Variants in GABRR2 observed in about 807,000 individuals in gnomAD.
GABRR2 encodes the protein gamma-aminobutyric acid receptor subunit rho-2.
A neutral mutation model predicts 47.0 loss-of-function variants in GABRR2; 36 were observed. The ratio of observed to expected loss-of-function variants is 0.77; its 90% CI spans 0.59 to 1.01. The LOEUF is 1.01. Among genes scored for constraint, GABRR2 ranks in the 50% least tolerant of loss-of-function variants. GABRR2 has a pLI of 0.00. For synonymous variants in GABRR2, 204 were observed against 227.5 expected, an observed-to-expected ratio of 0.90 and a Z score of 0.93; for missense variants, 587 against 594.6, an observed-to-expected ratio of 0.99 and a Z score of 0.13.
chr6:89,265,892 T>A lies in GABRR2; in HGVS notation c.737-127A>T, dbSNP rs925130176. Reference sequence around the variant, plus strand: ...CAGAAAGTTGAAATTAATGACCAGTTGGCTTAATATAATACCTTTCTTTTC... The same window carrying A: ...CAGAAAGTTGAAATTAATGACCAGTAGGCTTAATATAATACCTTTCTTTTC... On this transcript the variant is annotated intron_variant, in intron 6 of 8. Transcript: ENST00000402938. The A allele has an allele frequency of 9.7e-5, 83 of 857,422 alleles. No individual in the cohort carries two copies. In the African/African-American group the frequency reaches 1.2e-3, roughly 12 times the overall value. The allele number at this position is 857,422 out of a possible 1,614,324, so 53.1% of individuals were successfully genotyped here.
intron 2 of GABRR2, among the ~76,000 whole-genome samples, chr6:89,298,136 G>A (rs117409649): frequency 0.027 from 4,176 of 152,284 alleles, 90 homozygotes; most frequent in Middle Eastern, 0.061. Flanking sequence ...CCTTCCGTGG[G>A]CGTCAATCAG....
chr6:89,257,165 G>T lies in GABRR2; in HGVS notation c.*505C>A, dbSNP rs184670304. On this transcript the variant is annotated 3_prime_UTR_variant, in exon 9 of 9. Coordinates refer to ENST00000402938, the MANE Select transcript of GABRR2 (RefSeq NM_002043.5). ...TCCTGTGGGTTGCCATACTCCCACA[G>T]GCCAAATCATTTCCTGTCTGGGATC... The T allele has an allele frequency of 6.4e-6, 1 of 155,724 alleles. No homozygotes were observed. Among genetic ancestry groups the T allele is most frequent in the African/African-American group, 2.4e-5 (1 of 41,572 alleles). 9.6% of individuals were successfully genotyped at this position (155,724 alleles called of 1,614,324 possible). A position where few individuals can be genotyped will look rare whatever the true frequency, so the allele number is the denominator to read the frequency against.
At chr6:89,283,202 T>G (rs1421941911) in intron 2 of GABRR2, among the ~76,000 whole-genome samples, 1 of 151,942 alleles carries the variant, frequency 6.6e-6, no homozygotes, top group East Asian at 1.9e-4. Context: ...TAATTTTTTT[T>G]TTTGCTTGTT....
intron 2 of GABRR2, among the ~76,000 whole-genome samples, chr6:89,285,016 TCTC>T (rs1774309991): frequency 2.0e-5 from 3 of 152,192 alleles, no homozygotes. Flanking sequence ...CCCGTATCCC[TCTC>T]CTCTGTGAAA....
At position 89,257,710 on chromosome 6, in the gene GABRR2, TAGG is replaced by T; in HGVS notation, c.1355_1357del (p.Ser452del). 1 of 1,613,722 alleles carries T rather than the reference TAGG, an allele frequency of 6.2e-7. No homozygotes were observed. Among genetic ancestry groups the T allele is most frequent in the East Asian group, 2.2e-5 (1 of 44,874 alleles). On this transcript the variant is annotated inframe_deletion, in exon 9 of 9. Coordinates refer to ENST00000402938, the MANE Select transcript of GABRR2 (RefSeq NM_002043.5). ...CCAATAAATTAAGTTGAAAAATATG[TAGG>T]AGGCAGGGAATATCAACCTAGAGTA...
intron 1 of GABRR2, chr6:89,302,029 T>G: frequency 1.5e-6 from 1 of 668,896 alleles, no homozygotes; most frequent in South Asian, 1.7e-5. Flanking sequence ...CTTTTGGACA[T>G]TTTTTCAGGC....
chr6:89,264,734 C>G, intron 7 of GABRR2, 126 bp from the exon 8 acceptor site: 1 of 1,236,462 alleles, frequency 8.1e-7, no homozygotes, highest in Non-Finnish European at 1.1e-6. Flanking sequence ...GTGTTTCCAC[C>G]TCGGAGAGGG....
intron 8 of GABRR2, among the ~76,000 whole-genome samples, chr6:89,260,767 C>T (rs1037395749): frequency 3.9e-5 from 6 of 152,122 alleles, no homozygotes; most frequent in Admixed American, 3.3e-4. Flanking sequence ...GTCTCAAACC[C>T]GGGAATCTAT....
intron 2 of GABRR2, among the ~76,000 whole-genome samples, chr6:89,272,715 T>A (rs1774081089): frequency 6.6e-6 from 1 of 152,166 alleles, no homozygotes; most frequent in African/African-American, 2.4e-5. Context: ...GAACACAGGA[T>A]CAGGACGTTG....
intron 2 of GABRR2, among the ~76,000 whole-genome samples, chr6:89,275,655 G>A (rs1774145989): frequency 6.6e-6 from 1 of 152,204 alleles, no homozygotes; most frequent in African/African-American, 2.4e-5. Flanking sequence ...CCAAGGGGAT[G>A]GCCCGGTATT....
chr6:89,266,059 G>T (rs906027997), intron 6 of GABRR2, among the ~76,000 whole-genome samples: 1 of 152,058 alleles, frequency 6.6e-6, no homozygotes, highest in African/African-American at 2.4e-5. Context: ...TTAGTCGTTT[G>T]GGTTTTTGTT....
At chr6:89,292,735 C>G (rs145433387) in intron 2 of GABRR2, among the ~76,000 whole-genome samples, 1,333 of 92,844 alleles carry the variant, frequency 0.014, 482 homozygotes, top group East Asian at 0.026. Context: ...TCGTATATAT[C>G]ATATATAATC....
intron 2 of GABRR2, among the ~76,000 whole-genome samples, chr6:89,274,784 TGAGCCAGG>T (rs1248580882): frequency 6.6e-6 from 1 of 152,126 alleles, no homozygotes; most frequent in East Asian, 1.9e-4. Flanking sequence ...GAGAATTGCT[TGAGCCAGG>T]GAGGTCCAGG....
chr6:89,281,603 CT>C (rs1359575452), intron 2 of GABRR2, among the ~76,000 whole-genome samples: 1 of 152,058 alleles, frequency 6.6e-6, no homozygotes, highest in Non-Finnish European at 1.5e-5. Context: ...CTCACAAGCC[CT>C]TATGTCTGTT....
intron 2 of GABRR2, among the ~76,000 whole-genome samples, chr6:89,286,021 C>T (rs1298959825): frequency 1.0e-5 from 1 of 97,630 alleles, no homozygotes; most frequent in Non-Finnish European, 2.2e-5. Flanking sequence ...CGCCCGCACC[C>T]CCAACAACAA....
chr6:89,308,901 G>A (rs1182195147), intron 1 of GABRR2, among the ~76,000 whole-genome samples: 5 of 152,278 alleles, frequency 3.3e-5, no homozygotes, highest in South Asian at 4.1e-4. Flanking sequence ...ATATATTCAC[G>A]GTCCTCACAG....
intron 7 of GABRR2, 99 bp from the exon 8 acceptor site, chr6:89,264,707 A>G: frequency 1.4e-6 from 2 of 1,410,946 alleles, no homozygotes; most frequent in East Asian, 2.3e-5. Flanking sequence ...CTTAAACCAC[A>G]TGAGAAAGTC....
chr6:89,295,222 T>C (rs1216666651), intron 2 of GABRR2, among the ~76,000 whole-genome samples: 1 of 152,230 alleles, frequency 6.6e-6, no homozygotes, highest in African/African-American at 2.4e-5. Flanking sequence ...CCACACTATC[T>C]TCCACAATGG....
At chr6:89,279,972 G>C (rs953233832) in intron 2 of GABRR2, among the ~76,000 whole-genome samples, 1 of 152,022 alleles carries the variant, frequency 6.6e-6, no homozygotes, top group Non-Finnish European at 1.5e-5. Context: ...CACTTTGGGA[G>C]GCTGAGGCAG....
Sources: allele counts gnomAD v4.1 joint callset (sites outside exome capture counted in the v4.1 genomes callset), GRCh38; gene constraint gnomAD v4.1.1; transcripts MANE v1.5; gene names NCBI Gene and HGNC (gene_info 2026-07-23, HGNC 2026-07-21).